The following CSMD1 variants were observed in gnomAD, a reference collection of about 807,000 sequenced individuals.
CSMD1 encodes CUB and sushi domain-containing protein 1.
CSMD1 carries 213 observed loss-of-function variants against 417.5 expected under a neutral mutation model. That is an observed-to-expected ratio of 0.51 (90% CI 0.46 to 0.57). CSMD1 has a LOEUF of 0.57. Ranked by LOEUF, CSMD1 falls within the 20% of genes least tolerant of loss-of-function variation. The pLI is 0.00. For missense variants in CSMD1, 6,923 were observed against 4,529.7 expected (o/e 1.53, Z -15.17); for synonymous variants, 2,862 against 1,736.8 (o/e 1.65, Z -16.11).
At chr8:4,194,948 G>A (rs73658469) in intron 3 of CSMD1, among the ~76,000 whole-genome samples, 4,374 of 151,822 alleles carry the variant, frequency 0.029, 251 homozygotes, top group African/African-American at 0.1. Flanking sequence ...TAGTCCCCGG[G>A]TGAAAATGAA....
intron 3 of CSMD1, among the ~76,000 whole-genome samples, chr8:4,193,005 T>C (rs1799118245): frequency 6.6e-6 from 1 of 152,254 alleles, no homozygotes; most frequent in South Asian, 2.1e-4. Flanking sequence ...ATCATATCTT[T>C]GTAACTCAGG....
At chr8:4,213,450 A>G (rs1357262160) in intron 3 of CSMD1, among the ~76,000 whole-genome samples, 3 of 152,200 alleles carry the variant, frequency 2.0e-5, no homozygotes, top group Non-Finnish European at 2.9e-5. Context: ...TGAGAACAGG[A>G]ACAGTTGCCC....
chr8:4,659,406 T>C (rs533963754), intron 1 of CSMD1, among the ~76,000 whole-genome samples: 11 of 152,096 alleles, frequency 7.2e-5, no homozygotes, highest in South Asian at 4.1e-4. Flanking sequence ...AGCAAAACAA[T>C]AGAATCTACA....
chr8:4,591,254 C>T (rs760378690), intron 2 of CSMD1, among the ~76,000 whole-genome samples: 2 of 152,090 alleles, frequency 1.3e-5, no homozygotes, highest in Non-Finnish European at 2.9e-5. Flanking sequence ...TCACAAACAC[C>T]AGGAGGAAGA....
At chr8:4,203,545 C>T (rs935472154) in intron 3 of CSMD1, among the ~76,000 whole-genome samples, 4 of 152,224 alleles carry the variant, frequency 2.6e-5, no homozygotes, top group Middle Eastern at 3.4e-3. Flanking sequence ...TGTTATTAAA[C>T]AGCTGGGTGT....
At chr8:4,011,792 AC>A (rs1248442685) in intron 4 of CSMD1, among the ~76,000 whole-genome samples, 1 of 152,130 alleles carries the variant, frequency 6.6e-6, no homozygotes, top group Non-Finnish European at 1.5e-5. Context: ...TAATATTAAA[AC>A]CAAATAAAAA....
At chr8:3,396,583 T>C (rs1422039347) in intron 16 of CSMD1, among the ~76,000 whole-genome samples, 1 of 152,168 alleles carries the variant, frequency 6.6e-6, no homozygotes, top group Non-Finnish European at 1.5e-5. Flanking sequence ...TTAAATCCCT[T>C]TCTCTTATCT....
At chr8:3,798,868 G>T (rs1193267404) in intron 5 of CSMD1, among the ~76,000 whole-genome samples, 4 of 151,518 alleles carry the variant, frequency 2.6e-5, no homozygotes, top group East Asian at 1.9e-4. Context: ...ATTTTCCTTT[G>T]TTCATACAGA....
intron 21 of CSMD1, among the ~76,000 whole-genome samples, chr8:3,357,540 C>T (rs1339070837): frequency 6.6e-6 from 1 of 152,122 alleles, no homozygotes; most frequent in Non-Finnish European, 1.5e-5. Flanking sequence ...AGAGTAAAAA[C>T]CTGAATGACA....
intron 18 of CSMD1, among the ~76,000 whole-genome samples, chr8:3,385,038 T>C (rs1215339813): frequency 8.4e-6 from 1 of 118,528 alleles, no homozygotes; most frequent in Non-Finnish European, 1.6e-5. Flanking sequence ...ATAATATATA[T>C]AATATATAAA....
intron 3 of CSMD1, among the ~76,000 whole-genome samples, chr8:4,166,371 G>A (rs932037332): frequency 6.6e-6 from 1 of 152,120 alleles, no homozygotes; most frequent in Non-Finnish European, 1.5e-5. Context: ...ATGTTATTTG[G>A]ATGCTAAAGT....
intron 3 of CSMD1, among the ~76,000 whole-genome samples, chr8:4,263,456 A>G (rs935078329): frequency 3.2e-4 from 49 of 152,178 alleles, no homozygotes; most frequent in African/African-American, 1.1e-3. Flanking sequence ...GATTTGTGAC[A>G]TAGTTGTTCC....
At chr8:4,701,881 G>T (rs1807580151) in intron 1 of CSMD1, among the ~76,000 whole-genome samples, 2 of 152,156 alleles carry the variant, frequency 1.3e-5, no homozygotes, top group Non-Finnish European at 1.5e-5. Flanking sequence ...ATGATAGACT[G>T]GATAAAGAAC....
chr8:3,296,003 C>T (rs1271577168), intron 25 of CSMD1, among the ~76,000 whole-genome samples: 1 of 152,038 alleles, frequency 6.6e-6, no homozygotes, highest in Non-Finnish European at 1.5e-5. Context: ...AGGCAAACCA[C>T]AGCATCCACA....
chr8:3,658,551 G>C (rs1391249586), intron 7 of CSMD1, among the ~76,000 whole-genome samples: 3 of 151,428 alleles, frequency 2.0e-5, no homozygotes, highest in Admixed American at 6.6e-5. Flanking sequence ...GGGAGGCCAA[G>C]GCAGGTGGAT....
intron 5 of CSMD1, among the ~76,000 whole-genome samples, chr8:3,878,516 A>C (rs1301615276): frequency 6.6e-6 from 1 of 152,114 alleles, no homozygotes; most frequent in Non-Finnish European, 1.5e-5. Flanking sequence ...TAATATTTTT[A>C]TTTATTTAAA....
At chr8:3,296,549 T>A in intron 25 of CSMD1, among the ~76,000 whole-genome samples, 1 of 152,146 alleles carries the variant, frequency 6.6e-6, no homozygotes, top group Admixed American at 6.6e-5. Flanking sequence ...CCGTGCTTGC[T>A]TGCTCTGTTG....
intron 12 of CSMD1, among the ~76,000 whole-genome samples, chr8:3,451,040 T>G (rs960013128): frequency 1.3e-5 from 2 of 152,208 alleles, no homozygotes; most frequent in Non-Finnish European, 1.5e-5. Context: ...CATTGTGGTT[T>G]TGATTTGCAT....
chr8:3,634,616 C>A (rs563942443), intron 7 of CSMD1, among the ~76,000 whole-genome samples: 1 of 152,218 alleles, frequency 6.6e-6, no homozygotes, highest in South Asian at 2.1e-4. Context: ...CTCTGTGCAG[C>A]CTTCTATCAA....
Sources: allele counts gnomAD v4.1 joint callset (sites outside exome capture counted in the v4.1 genomes callset), GRCh38; gene constraint gnomAD v4.1.1; transcripts MANE v1.5; gene names NCBI Gene and HGNC (gene_info 2026-07-23, HGNC 2026-07-21).